LRRC4C: variants seen among roughly 807,000 people sequenced by gnomAD.
LRRC4C encodes the protein leucine rich repeat containing 4C.
A neutral mutation model predicts 33.6 loss-of-function variants in LRRC4C; 5 were observed. That is an observed-to-expected ratio of 0.15 (90% CI 0.08 to 0.31). The LOEUF (loss-of-function observed/expected upper bound fraction) is 0.31. Ranked by LOEUF, LRRC4C falls within the 10% of genes least tolerant of loss-of-function variation. The pLI, the probability that LRRC4C is intolerant of heterozygous loss-of-function variation, is 1.00. For missense variants in LRRC4C, 560 were observed against 796.7 expected, an observed-to-expected ratio of 0.70 and a Z score of 3.58; for synonymous variants, 329 against 302.0, an observed-to-expected ratio of 1.09 and a Z score of -0.93.
In LRRC4C at chr11:41,063,661, G is replaced by T. The variant is rs183301601; in HGVS notation, c.-495-129938C>A. ...CTTTATAAAGAGGAAAATGGATAGG[G>T]AGGCTGTAGCGAAGTAAATTAAAGA... On this transcript the variant is annotated intron_variant, in intron 1 of 6. Coordinates refer to ENST00000528697, the MANE Select transcript of LRRC4C (RefSeq NM_001258419.2). 7.3e-3 allele frequency among the ~76,000 whole-genome samples: 1,115 copies of T among 152,294 alleles called. 20 individuals carry two copies. The highest frequency in any genetic ancestry group is 0.043 in the South Asian group (206 of 4,828).
chr11:40,135,445 A>T (rs1470553102), intron 6 of LRRC4C, among the ~76,000 whole-genome samples: 1 of 152,058 alleles, frequency 6.6e-6, no homozygotes, highest in Admixed American at 6.6e-5. Context: ...GAAAGTAAAA[A>T]CTCCCTGTAT....
At chr11:40,799,701 T>A (rs558822625) in intron 2 of LRRC4C, among the ~76,000 whole-genome samples, 4 of 152,296 alleles carry the variant, frequency 2.6e-5, no homozygotes, top group African/African-American at 9.6e-5. Context: ...AATTCCTGCC[T>A]CAAGTGATTC....
chr11:40,828,780 G>A (rs1255654311), intron 2 of LRRC4C, among the ~76,000 whole-genome samples: 2 of 151,776 alleles, frequency 1.3e-5, no homozygotes, highest in Non-Finnish European at 2.9e-5. Context: ...CAATTTGTCT[G>A]CAAACTCTGC....
intron 3 of LRRC4C, among the ~76,000 whole-genome samples, chr11:40,607,944 G>C (rs1267674227): frequency 2.0e-5 from 3 of 152,024 alleles, no homozygotes; most frequent in East Asian, 1.9e-4. Context: ...GTGATCTGTG[G>C]GGCACCAAAG....
At chr11:40,367,084 G>C (rs914931164) in intron 3 of LRRC4C, among the ~76,000 whole-genome samples, 4 of 151,994 alleles carry the variant, frequency 2.6e-5, no homozygotes, top group South Asian at 2.1e-4. Context: ...TTTAATACCT[G>C]CATCCTCATT....
chr11:40,592,441 G>C (rs1959101648), intron 3 of LRRC4C, among the ~76,000 whole-genome samples: 1 of 152,144 alleles, frequency 6.6e-6, no homozygotes, highest in South Asian at 2.1e-4. Flanking sequence ...ATTCCCATAT[G>C]ATCAATTGCT....
intron 1 of LRRC4C, among the ~76,000 whole-genome samples, chr11:41,008,349 C>T (rs183305560): frequency 2.3e-3 from 353 of 152,280 alleles, no homozygotes; most frequent in African/African-American, 8.2e-3. Flanking sequence ...TATCTGTCCC[C>T]CGTCTCTCTG....
At chr11:40,336,847 GGCGCCTGTAGTCCCA>G (rs1946631549) in intron 3 of LRRC4C, among the ~76,000 whole-genome samples, 1 of 151,520 alleles carries the variant, frequency 6.6e-6, no homozygotes, top group Non-Finnish European at 1.5e-5. Context: ...AGTGGCGGGG[GGCGCCTGTAGTCCCA>G]GCTACTCGGG....
intron 5 of LRRC4C, among the ~76,000 whole-genome samples, chr11:40,197,426 G>T (rs1003591849): frequency 9.2e-5 from 14 of 152,142 alleles, no homozygotes; most frequent in African/African-American, 3.4e-4. Flanking sequence ...TATTAAAACG[G>T]TGATTGCATT....
chr11:40,646,833 C>T (rs1400649275), intron 3 of LRRC4C, among the ~76,000 whole-genome samples: 1 of 152,136 alleles, frequency 6.6e-6, no homozygotes, highest in Admixed American at 6.6e-5. Context: ...GTCTCGATCT[C>T]CTGACCTCAT....
At chr11:40,672,701 T>A (rs1944187456) in intron 2 of LRRC4C, among the ~76,000 whole-genome samples, 3 of 152,124 alleles carry the variant, frequency 2.0e-5, no homozygotes, top group Admixed American at 1.3e-4. Context: ...ATTCTCGGAG[T>A]TTTTGTAGTT....
chr11:40,957,770 C>A (rs868731939), intron 1 of LRRC4C, among the ~76,000 whole-genome samples: 1 of 151,554 alleles, frequency 6.6e-6, no homozygotes. Flanking sequence ...TGCAAATCTA[C>A]TGGGGGATGA....
chr11:41,123,815 G>A (rs540832682), intron 1 of LRRC4C, among the ~76,000 whole-genome samples: 14 of 152,296 alleles, frequency 9.2e-5, no homozygotes, highest in African/African-American at 2.9e-4. Context: ...TCAATGCAGA[G>A]AAGAATAAGA....
chr11:40,245,763 T>C (rs1765772335), intron 4 of LRRC4C, among the ~76,000 whole-genome samples: 1 of 152,162 alleles, frequency 6.6e-6, no homozygotes, highest in Admixed American at 6.6e-5. Flanking sequence ...ATCTCTTTCA[T>C]AGGATTGCTT....
intron 2 of LRRC4C, among the ~76,000 whole-genome samples, chr11:40,824,189 T>C (rs181735907): frequency 1.3e-4 from 20 of 151,964 alleles, no homozygotes; most frequent in Non-Finnish European, 8.8e-5. Flanking sequence ...TGGGGGTTGA[T>C]TGAAATATCT....
intron 1 of LRRC4C, among the ~76,000 whole-genome samples, chr11:41,265,286 A>G (rs956752141): frequency 6.6e-6 from 1 of 152,100 alleles, no homozygotes; most frequent in Non-Finnish European, 1.5e-5. Flanking sequence ...GAACAAACCA[A>G]TGATCAAAAA....
intron 1 of LRRC4C, among the ~76,000 whole-genome samples, chr11:41,417,869 A>G (rs1423290514): frequency 1.3e-5 from 2 of 151,622 alleles, no homozygotes; most frequent in Admixed American, 6.6e-5. Context: ...TGCTGTTGCT[A>G]TCCTAGCTAA....
intron 2 of LRRC4C, among the ~76,000 whole-genome samples, chr11:40,824,215 G>T (rs944383786): frequency 3.3e-5 from 5 of 151,854 alleles, no homozygotes; most frequent in Non-Finnish European, 7.4e-5. Context: ...CCAGATGGTG[G>T]TAATGATTGT....
At position 40,997,981 on chromosome 11, in the gene LRRC4C, A is replaced by T. The variant is rs146067478; in HGVS notation, c.-495-64258T>A. Among the ~76,000 whole-genome samples the T allele has an allele frequency of 3.3e-3, 503 of 152,172 alleles. 4 individuals are homozygous for T. The highest frequency in any genetic ancestry group is 0.011 in the African/African-American group (450 of 41,526). ...CTTAGTTTTCCATTAAACCATGATG[A>T]CTGCTTTGAGAACATTACTCCTAGC... is the stretch of plus-strand genomic sequence containing the variant. On this transcript the variant is annotated intron_variant, in intron 1 of 6. Transcript: ENST00000528697.
Sources: allele counts gnomAD v4.1 joint callset (sites outside exome capture counted in the v4.1 genomes callset), GRCh38; gene constraint gnomAD v4.1.1; transcripts MANE v1.5; gene names NCBI Gene and HGNC (gene_info 2026-07-23, HGNC 2026-07-21).